Variants in VPS54 observed in about 807,000 individuals in gnomAD.
The protein encoded by VPS54 is vacuolar protein sorting-associated protein 54.
A neutral mutation model predicts 121.5 loss-of-function variants in VPS54; 45 were observed. The ratio of observed to expected loss-of-function variants is 0.37; its 90% confidence interval spans 0.29 to 0.47. The LOEUF is 0.47. VPS54 is among the 20% of genes least tolerant of loss of function. VPS54 has a pLI of 0.99. For synonymous variants in VPS54, 371 were observed against 385.8 expected (o/e 0.96, Z 0.45); for missense variants, 1,090 against 1,131.4 (o/e 0.96, Z 0.52).
chr2:64,009,314 ATTTTC>A (rs990171106), intron 1 of VPS54, among the ~76,000 whole-genome samples: 2 of 151,104 alleles, frequency 1.3e-5, no homozygotes, highest in African/African-American at 2.4e-5. Flanking sequence ...GATACTATAC[ATTTTC>A]TTTTCTTTTT....
intron 16 of VPS54, among the ~76,000 whole-genome samples, chr2:63,916,300 C>T (rs1162650176): frequency 6.6e-6 from 1 of 151,952 alleles, no homozygotes; most frequent in African/African-American, 2.4e-5. Flanking sequence ...AGACATAGTA[C>T]TAGACAAAAA....
intron 1 of VPS54, among the ~76,000 whole-genome samples, chr2:63,998,342 C>T (rs1677705133): frequency 6.6e-6 from 1 of 152,118 alleles, no homozygotes; most frequent in Admixed American, 6.6e-5. Flanking sequence ...ATCACTGGGT[C>T]CTGTTTTTCT....
intron 7 of VPS54, among the ~76,000 whole-genome samples, chr2:63,958,423 T>C (rs1293207677): frequency 6.6e-6 from 1 of 152,230 alleles, no homozygotes; most frequent in Non-Finnish European, 1.5e-5. Flanking sequence ...AATACAACTA[T>C]TAAAATTCCT....
At chr2:63,976,275 C>T (rs573127429) in intron 3 of VPS54, among the ~76,000 whole-genome samples, 4 of 147,844 alleles carry the variant, frequency 2.7e-5, no homozygotes, top group Non-Finnish European at 5.9e-5. Flanking sequence ...TTGCTCGAGC[C>T]GGGAGGTTGA....
At chr2:63,916,400 A>G (rs185837554) in intron 16 of VPS54, among the ~76,000 whole-genome samples, 2 of 152,310 alleles carry the variant, frequency 1.3e-5, no homozygotes, top group East Asian at 1.9e-4. Context: ...GCCAATGAGA[A>G]TAACTACCAA....
Position 63,965,891 on chromosome 2 carries a change from T to C in VPS54, c.568A>G (p.Thr190Ala). The C allele has an allele frequency of 6.2e-7, 1 of 1,613,132 alleles. No homozygotes were observed. Among genetic ancestry groups the C allele is most frequent in the South Asian group, 1.1e-5 (1 of 90,644 alleles). Residue 190 changes from threonine (T) to alanine (A), a missense_variant, in exon 6 of 23, where the codon ACT (threonine) becomes GCT (alanine). Coordinates refer to ENST00000272322, the MANE Select transcript of VPS54 (RefSeq NM_016516.3). ...NSVLPWSHFN[T>A]AGGKGNRDAA... The stretch of plus-strand genomic sequence containing the variant: ...TCACGATTTCCTTTTCCACCAGCAG[T>C]ATTAAAATGAGACCATGGTAAAACT...
chr2:63,970,462 T>C (rs1044164236), intron 4 of VPS54, among the ~76,000 whole-genome samples: 2 of 151,756 alleles, frequency 1.3e-5, no homozygotes, highest in African/African-American at 4.8e-5. Context: ...CAATAATCTA[T>C]CTCAAATCTT....
In VPS54 at chr2:63,962,752, T is replaced by C. The variant is rs532193806; in HGVS notation, c.625-309A>G. Among the ~76,000 whole-genome samples, 4 of 152,254 alleles carry C rather than the reference T, an allele frequency of 2.6e-5. No homozygotes were observed. In the South Asian group the frequency reaches 8.3e-4, roughly 32 times the overall value. ...ACCCCACAGACATCTCAAATTACAA[T>C]TCCAGTTTCAGATGTTCTAAGATCT... On this transcript the variant is annotated intron_variant, in intron 6 of 22. Transcript: ENST00000272322.
chr2:63,907,308 C>T (rs999084301), intron 20 of VPS54, among the ~76,000 whole-genome samples: 1 of 151,974 alleles, frequency 6.6e-6, no homozygotes, highest in South Asian at 2.1e-4. Flanking sequence ...CACCTGAGGT[C>T]GGGAGTTTGA....
chr2:63,977,859 C>A (rs1048395818), intron 3 of VPS54, among the ~76,000 whole-genome samples: 7 of 152,180 alleles, frequency 4.6e-5, no homozygotes, highest in African/African-American at 1.7e-4. Flanking sequence ...AAGAGTTAGG[C>A]TTTATTTACT....
chr2:63,943,366 C>T (rs576364796), intron 10 of VPS54, among the ~76,000 whole-genome samples: 1 of 152,272 alleles, frequency 6.6e-6, no homozygotes, highest in East Asian at 1.9e-4. Flanking sequence ...ACAGGAAGTT[C>T]TCTACTTCTA....
At chr2:63,895,122 ATT>A (rs1307274215) in intron 22 of VPS54, among the ~76,000 whole-genome samples, 9 of 137,588 alleles carry the variant, frequency 6.5e-5, no homozygotes, top group Admixed American at 6.2e-4. Flanking sequence ...GTATGTGTCT[ATT>A]TTTAAAATAT....
At chr2:63,995,549 G>A (rs548844514) in intron 1 of VPS54, among the ~76,000 whole-genome samples, 2 of 152,336 alleles carry the variant, frequency 1.3e-5, no homozygotes, top group Middle Eastern at 3.4e-3. Flanking sequence ...CTGCCGGAAT[G>A]GCGTTACATC....
intron 21 of VPS54, 39 bp downstream of exon 21, chr2:63,899,435 G>GTT (rs1672582809): frequency 6.4e-7 from 1 of 1,562,760 alleles, no homozygotes; most frequent in East Asian, 2.2e-5. Context: ...GATATTGTAT[G>GTT]TTATATATAC....
chr2:63,970,873 T>G (rs1296542605), intron 4 of VPS54, among the ~76,000 whole-genome samples: 1 of 152,110 alleles, frequency 6.6e-6, no homozygotes, highest in Non-Finnish European at 1.5e-5. Context: ...CGTCCTTGGA[T>G]TCAACTACCA....
intron 7 of VPS54, among the ~76,000 whole-genome samples, chr2:63,951,113 C>G (rs1458997963): frequency 6.6e-6 from 1 of 151,724 alleles, no homozygotes; most frequent in Non-Finnish European, 1.5e-5. Context: ...TGCATAAAAT[C>G]TGCATTTTCA....
At chr2:63,933,475 A>G (rs945151947) in intron 12 of VPS54, among the ~76,000 whole-genome samples, 198 bp downstream of exon 12, 5 of 152,212 alleles carry the variant, frequency 3.3e-5, no homozygotes, top group East Asian at 3.8e-4. Flanking sequence ...TTAAAACTCT[A>G]TAATTTTCAA....
At chr2:63,912,728 T>C in intron 18 of VPS54, 67 bp from the exon 19 acceptor site, 1 of 1,508,622 alleles carries the variant, frequency 6.6e-7, no homozygotes, top group South Asian at 1.3e-5. Context: ...TTGATTTTAA[T>C]TACAAATCAA....
At chr2:63,985,431 G>GT (rs1677003567) in intron 1 of VPS54, among the ~76,000 whole-genome samples, 1 of 152,256 alleles carries the variant, frequency 6.6e-6, no homozygotes, top group Middle Eastern at 3.4e-3. Context: ...CTAAAAATAT[G>GT]TATCTGTCTC....
Sources: allele counts gnomAD v4.1 joint callset (sites outside exome capture counted in the v4.1 genomes callset), GRCh38; gene constraint gnomAD v4.1.1; transcripts MANE v1.5; gene names NCBI Gene and HGNC (gene_info 2026-07-23, HGNC 2026-07-21).